Variants in LRRTM4 observed in about 807,000 individuals in gnomAD.
LRRTM4 encodes the protein leucine-rich repeat transmembrane neuronal protein 4.
LRRTM4 carries 25 observed loss-of-function variants against 47.6 expected under a neutral mutation model. The ratio of observed to expected loss-of-function variants is 0.53; its 90% confidence interval spans 0.38 to 0.73. The LOEUF is 0.73. LRRTM4 is among the 30% of genes least tolerant of loss of function. LRRTM4 has a pLI of 0.00. For missense variants in LRRTM4, 638 were observed against 713.4 expected (o/e 0.89, Z 1.20); for synonymous variants, 311 against 269.5 (o/e 1.15, Z -1.51).
At chr2:77,094,278 A>G (rs926116812) in intron 3 of LRRTM4, among the ~76,000 whole-genome samples, 9 of 152,212 alleles carry the variant, frequency 5.9e-5, no homozygotes, top group Admixed American at 2.6e-4. Context: ...GAATAAATTA[A>G]AGAAGACATA....
chr2:77,073,593 T>C (rs571877485), intron 3 of LRRTM4, among the ~76,000 whole-genome samples: 1 of 152,242 alleles, frequency 6.6e-6, no homozygotes, highest in South Asian at 2.1e-4. Context: ...CAACAGTCTT[T>C]CTACACCAAA....
At chr2:77,233,298 G>C (rs567716717) in intron 3 of LRRTM4, among the ~76,000 whole-genome samples, 1 of 152,276 alleles carries the variant, frequency 6.6e-6, no homozygotes, top group African/African-American at 2.4e-5. Context: ...CCAGCTGGGA[G>C]ACTGGTTTTA....
intron 3 of LRRTM4, among the ~76,000 whole-genome samples, chr2:77,331,649 T>C (rs1446491839): frequency 2.6e-5 from 4 of 152,190 alleles, no homozygotes; most frequent in African/African-American, 9.6e-5. Flanking sequence ...CAAAACCTCC[T>C]ATGTTAATCT....
chr2:77,033,397 G>T (rs1028250958), intron 3 of LRRTM4, among the ~76,000 whole-genome samples: 1 of 150,956 alleles, frequency 6.6e-6, no homozygotes, highest in Non-Finnish European at 1.5e-5. Context: ...AGTATAATTA[G>T]CTCATAAATA....
intron 3 of LRRTM4, among the ~76,000 whole-genome samples, chr2:77,249,759 T>C (rs1410971101): frequency 6.6e-6 from 1 of 152,198 alleles, no homozygotes; most frequent in African/African-American, 2.4e-5. Flanking sequence ...ACAGTTTAAC[T>C]GTTTCTTACA....
intron 3 of LRRTM4, among the ~76,000 whole-genome samples, chr2:77,297,897 A>T (rs1677016727): frequency 6.6e-6 from 1 of 152,224 alleles, no homozygotes; most frequent in African/African-American, 2.4e-5. Flanking sequence ...TCAAAGACTT[A>T]TTCACCTACA....
At chr2:77,149,688 A>T (rs978240840) in intron 3 of LRRTM4, among the ~76,000 whole-genome samples, 3 of 152,208 alleles carry the variant, frequency 2.0e-5, no homozygotes, top group Non-Finnish European at 4.4e-5. Context: ...AATTGTCAGT[A>T]TGAAGGAAGA....
chr2:76,791,984 T>C (rs1041815190), intron 3 of LRRTM4, among the ~76,000 whole-genome samples: 2 of 152,206 alleles, frequency 1.3e-5, no homozygotes, highest in African/African-American at 4.8e-5. Flanking sequence ...GGGTCATAAA[T>C]TTCATTACTT....
chr2:77,144,924 G>A (rs992783251), intron 3 of LRRTM4, among the ~76,000 whole-genome samples: 24 of 152,168 alleles, frequency 1.6e-4, no homozygotes, highest in Non-Finnish European at 3.1e-4. Flanking sequence ...TTATGAACTG[G>A]GGAAAAGGTG....
At chr2:77,000,070 T>A (rs888715532) in intron 3 of LRRTM4, among the ~76,000 whole-genome samples, 1 of 152,136 alleles carries the variant, frequency 6.6e-6, no homozygotes, top group Non-Finnish European at 1.5e-5. Context: ...CCTAAGTGAA[T>A]TTTTGGTTTC....
rs376107556 is a variant in LRRTM4 at position 77,105,039 on chromosome 2, TA to T, written c.1552-356124del. 1.8e-4 allele frequency among the ~76,000 whole-genome samples: 25 copies of T among 141,434 alleles called. No individual in the cohort carries two copies. In the South Asian group the frequency reaches 6.0e-3, roughly 34 times the overall value. The allele number at this position is 141,434 out of a possible 152,430, so 92.8% of individuals were successfully genotyped here. A position where few individuals can be genotyped will look rare whatever the true frequency, so the allele number is the denominator to read the frequency against. ...TTTGAGAATTCTTCAATGAGCTAAC[TA>T]AAAAAATGAAAATAAAAGAAAAAAA... On this transcript the variant is annotated intron_variant, in intron 3 of 3. Transcript: ENST00000409884.
intron 3 of LRRTM4, among the ~76,000 whole-genome samples, chr2:77,470,315 G>A (rs570402898): frequency 6.6e-6 from 1 of 152,194 alleles, no homozygotes; most frequent in African/African-American, 2.4e-5. Context: ...GCAGATGGAT[G>A]GACTTAAGAA....
Position 77,049,137 on chromosome 2 carries a change from T to C in LRRTM4, c.1552-300221A>G, listed in dbSNP as rs536922572. On this transcript the variant is annotated intron_variant, in intron 3 of 3. Transcript: ENST00000409884. ...ATTTCATTTTTTATATATATATATA[T>C]ATATATATATATATATATATACACA... 2.3e-4 allele frequency among the ~76,000 whole-genome samples: 28 copies of C among 120,302 alleles called. 1 individual carries two copies. The highest frequency in any genetic ancestry group is 1.1e-3 in the African/African-American group (25 of 23,030). 78.9% of individuals were successfully genotyped at this position (120,302 alleles called of 152,430 possible).
At chr2:76,810,545 G>T (rs936098861) in intron 3 of LRRTM4, among the ~76,000 whole-genome samples, 1 of 152,122 alleles carries the variant, frequency 6.6e-6, no homozygotes, top group Non-Finnish European at 1.5e-5. Context: ...TAAACAGCCT[G>T]CTGCATAGTG....
chr2:76,844,122 C>T (rs948829987), intron 3 of LRRTM4, among the ~76,000 whole-genome samples: 1 of 151,410 alleles, frequency 6.6e-6, no homozygotes, highest in Non-Finnish European at 1.5e-5. Context: ...AGGATGGTCT[C>T]GATCTCCTGA....
chr2:77,064,445 A>C (rs1679887963), intron 3 of LRRTM4, among the ~76,000 whole-genome samples: 1 of 152,208 alleles, frequency 6.6e-6, no homozygotes, highest in African/African-American at 2.4e-5. Context: ...TAGATTTCAA[A>C]GTTGGCATTT....
chr2:76,799,447 T>G lies in LRRTM4; in HGVS notation c.1552-50531A>C, dbSNP rs993902913. ...CAATAAATTAGGTATTGATGGGACG[T>G]ATCTCAAAATAATAAGAGCTATCTA... On this transcript the variant is annotated intron_variant, in intron 3 of 3. Transcript: ENST00000409884. 1.5e-3 allele frequency among the ~76,000 whole-genome samples: 205 copies of G among 138,186 alleles called. 7 individuals are homozygous for G. Among genetic ancestry groups the G allele is most frequent in the African/African-American group, 5.4e-3 (196 of 36,538 alleles). The allele number at this position is 138,186 out of a possible 152,430, so 90.7% of individuals were successfully genotyped here.
At chr2:76,860,057 G>A (rs1281799861) in intron 3 of LRRTM4, among the ~76,000 whole-genome samples, 1 of 151,964 alleles carries the variant, frequency 6.6e-6, no homozygotes, top group Non-Finnish European at 1.5e-5. Flanking sequence ...GAAAGGCCTG[G>A]GAATTAATTT....
rs141418410 is a variant in LRRTM4, at chr2:77,413,796, A to G, written c.1551+104522T>C. On this transcript the variant is annotated intron_variant, in intron 3 of 3. Transcript: ENST00000409884. ...TGCAGTACATATGGACATAAGTTTC[A>G]TAAGTAGAAACCAACAGGCAAACAT... Among the ~76,000 whole-genome samples, 754 of 152,296 alleles carry G rather than the reference A, an allele frequency of 5.0e-3. 6 individuals are homozygous for G. The highest frequency in any genetic ancestry group is 0.017 in the African/African-American group (723 of 41,558).
Sources: gnomAD v4.1 joint callset for allele counts (sites outside exome capture counted in the v4.1 genomes callset) on GRCh38, gnomAD v4.1.1 for gene constraint, MANE v1.5 for transcripts, NCBI Gene and HGNC (gene_info 2026-07-23, HGNC 2026-07-21) for gene names.